Variants in KCNT2 observed in about 807,000 individuals in gnomAD.
The protein encoded by KCNT2 is potassium sodium-activated channel subfamily T member 2.
A neutral mutation model predicts 153.8 loss-of-function variants in KCNT2; 67 were observed. The ratio of observed to expected loss-of-function variants is 0.44; its 90% CI spans 0.36 to 0.53. The LOEUF (loss-of-function observed/expected upper bound fraction) is 0.53. KCNT2 is among the 20% of genes least tolerant of loss of function. The pLI is 0.00. For missense variants in KCNT2, 975 were observed against 1,354.8 expected (o/e 0.72, Z 4.40); for synonymous variants, 500 against 458.8 (o/e 1.09, Z -1.15).
At chr1:196,434,061 A>G (rs949267319) in intron 8 of KCNT2, among the ~76,000 whole-genome samples, 1 of 152,050 alleles carries the variant, frequency 6.6e-6, no homozygotes, top group Non-Finnish European at 1.5e-5. Context: ...CAGACTGTAA[A>G]CATACTTAAA....
chr1:196,549,046 C>T (rs1027399765), intron 1 of KCNT2, among the ~76,000 whole-genome samples: 3 of 151,956 alleles, frequency 2.0e-5, no homozygotes, highest in Non-Finnish European at 4.4e-5. Flanking sequence ...GGAGATATAC[C>T]TAATGCTAGA....
At chr1:196,438,198 A>C (rs1208064250) in intron 8 of KCNT2, among the ~76,000 whole-genome samples, 3 of 151,840 alleles carry the variant, frequency 2.0e-5, no homozygotes, top group African/African-American at 7.2e-5. Flanking sequence ...TGAGAGAAAT[A>C]GAATAATAAA....
At chr1:196,296,426 A>G (rs550727628) in intron 22 of KCNT2, among the ~76,000 whole-genome samples, 1 of 152,118 alleles carries the variant, frequency 6.6e-6, no homozygotes, top group East Asian at 1.9e-4. Flanking sequence ...AAGTATACGG[A>G]GACTATAATT....
chr1:196,482,125 T>G (rs1474022374), intron 4 of KCNT2, among the ~76,000 whole-genome samples: 6 of 152,108 alleles, frequency 3.9e-5, no homozygotes, highest in Non-Finnish European at 8.8e-5. Flanking sequence ...AATCTAATTC[T>G]GATCACGACG....
chr1:196,323,663 C>T (rs1450701897), intron 19 of KCNT2, among the ~76,000 whole-genome samples: 1 of 151,876 alleles, frequency 6.6e-6, no homozygotes, highest in African/African-American at 2.4e-5. Flanking sequence ...ATTTAATTTA[C>T]ATTTTAAAAT....
chr1:196,343,201 CA>C (rs1475352133), intron 14 of KCNT2: 2 of 152,296 alleles, frequency 1.3e-5, no homozygotes, highest in East Asian at 3.9e-4. Context: ...AGACATCCCA[CA>C]AAAGTATTTT....
chr1:196,420,889 CAGGATT>C (rs1333114995), intron 12 of KCNT2, among the ~76,000 whole-genome samples: 1 of 151,948 alleles, frequency 6.6e-6, no homozygotes, highest in Non-Finnish European at 1.5e-5. Context: ...ACTCTTTTAC[CAGGATT>C]AGGAAAGTAA....
At chr1:196,543,700 A>C (rs556788685) in intron 1 of KCNT2, among the ~76,000 whole-genome samples, 1 of 152,182 alleles carries the variant, frequency 6.6e-6, no homozygotes, top group Admixed American at 6.6e-5. Flanking sequence ...AATTAAACAC[A>C]TTACACACTT....
intron 22 of KCNT2, among the ~76,000 whole-genome samples, chr1:196,294,884 G>T (rs1219189314): frequency 6.6e-6 from 1 of 151,582 alleles, no homozygotes; most frequent in East Asian, 1.9e-4. Context: ...GTACAATGAT[G>T]GTTACCAGAG....
In KCNT2 at chr1:196,564,811, T is replaced by C. The variant is rs1659884281; in HGVS notation, c.95+43404A>G. On this transcript the variant is annotated intron_variant, in intron 1 of 27. Coordinates refer to ENST00000294725, the MANE Select transcript of KCNT2 (RefSeq NM_198503.5). ...TGCAGAACAGTGAATTGAATTCTTATACACAAAATTCAACACAGATTAACT... is the reference window on the plus strand; with the variant it reads ...TGCAGAACAGTGAATTGAATTCTTACACACAAAATTCAACACAGATTAACT... Among the ~76,000 whole-genome samples the C allele has an allele frequency of 2.0e-5, 3 of 151,880 alleles. No homozygotes were observed. The South Asian group carries it at 6.2e-4, about 31-fold the overall frequency.
chr1:196,567,505 A>G (rs764206930), intron 1 of KCNT2, among the ~76,000 whole-genome samples: 8 of 152,154 alleles, frequency 5.3e-5, no homozygotes, highest in Non-Finnish European at 1.0e-4. Flanking sequence ...TGGATAACTG[A>G]TGGTTGGGAT....
At chr1:196,596,789 C>A (rs1462033577) in intron 1 of KCNT2, among the ~76,000 whole-genome samples, 1 of 152,056 alleles carries the variant, frequency 6.6e-6, no homozygotes, top group Non-Finnish European at 1.5e-5. Flanking sequence ...GCAGCCTCGA[C>A]CTCCCAAGCT....
chr1:196,324,433 C>T (rs1051808394), intron 19 of KCNT2, among the ~76,000 whole-genome samples: 2 of 151,948 alleles, frequency 1.3e-5, no homozygotes, highest in Non-Finnish European at 2.9e-5. Flanking sequence ...TCTTTTACAT[C>T]CTCTTAAAAT....
At chr1:196,388,951 C>A (rs1670239679) in intron 13 of KCNT2, among the ~76,000 whole-genome samples, 1 of 151,670 alleles carries the variant, frequency 6.6e-6, no homozygotes, top group African/African-American at 2.4e-5. Context: ...TTTGACGTCT[C>A]AATATTAGAG....
chr1:196,567,020 C>T (rs531716563), intron 1 of KCNT2, among the ~76,000 whole-genome samples: 65 of 151,934 alleles, frequency 4.3e-4, no homozygotes, highest in Non-Finnish European at 8.5e-4. Flanking sequence ...TCAATAAATA[C>T]ACAAATAAAT....
chr1:196,360,220 A>C (rs1572165534), intron 14 of KCNT2, among the ~76,000 whole-genome samples: 1 of 152,054 alleles, frequency 6.6e-6, no homozygotes, highest in East Asian at 1.9e-4. Context: ...ATTTACTATT[A>C]CTATTATTTT....
At chr1:196,528,717 C>A (rs932970252) in intron 1 of KCNT2, among the ~76,000 whole-genome samples, 3 of 152,112 alleles carry the variant, frequency 2.0e-5, no homozygotes, top group Admixed American at 6.5e-5. Context: ...TTGGTTAACA[C>A]TTCCCTCGCT....
intron 8 of KCNT2, among the ~76,000 whole-genome samples, chr1:196,445,645 A>G (rs1166525959): frequency 2.6e-5 from 4 of 151,444 alleles, no homozygotes; most frequent in Non-Finnish European, 5.9e-5. Context: ...TTTCAGTTTC[A>G]TAATAAGCTC....
intron 6 of KCNT2, 40 bp from the exon 7 acceptor site, chr1:196,467,826 A>G (rs1246554764): frequency 1.5e-6 from 2 of 1,322,390 alleles, no homozygotes; most frequent in Non-Finnish European, 2.2e-6. Context: ...TTTTATCTCA[A>G]AGCAATAAAC....
Sources: gnomAD v4.1 joint callset for allele counts (sites outside exome capture counted in the v4.1 genomes callset) on GRCh38, gnomAD v4.1.1 for gene constraint, MANE v1.5 for transcripts, NCBI Gene and HGNC (gene_info 2026-07-23, HGNC 2026-07-21) for gene names.